PAX3: variants seen among roughly 807,000 people sequenced by gnomAD.
PAX3 encodes the protein paired box protein Pax-3.
A neutral mutation model predicts 51.6 loss-of-function variants in PAX3; 14 were observed. The ratio of observed to expected loss-of-function variants is 0.27; its 90% CI spans 0.18 to 0.42. PAX3 has a LOEUF of 0.42. Ranked by LOEUF, PAX3 falls within the 10% of genes least tolerant of loss-of-function variation. The probability of loss-of-function intolerance (pLI) is 1.00; values close to 1 mark genes in which losing one functional copy is unlikely to be tolerated. For missense variants in PAX3, 540 were observed against 642.8 expected, an observed-to-expected ratio of 0.84 and a Z score of 1.73; for synonymous variants, 280 against 253.4, an observed-to-expected ratio of 1.11 and a Z score of -1.00.
At chr2:222,233,728 A>G (rs1306911549) in intron 4 of PAX3, among the ~76,000 whole-genome samples, 1 of 152,138 alleles carries the variant, frequency 6.6e-6, no homozygotes, top group East Asian at 1.9e-4. Flanking sequence ...TAGAGGGGGA[A>G]CCAGAGCAGC....
chr2:222,250,866 A>G (rs1693402881), intron 4 of PAX3, among the ~76,000 whole-genome samples: 1 of 150,786 alleles, frequency 6.6e-6, no homozygotes, highest in Non-Finnish European at 1.5e-5. Flanking sequence ...ATTTTCACTT[A>G]TCTCAGCAGT....
intron 7 of PAX3, among the ~76,000 whole-genome samples, chr2:222,218,200 T>G (rs1410299005): frequency 6.6e-6 from 1 of 152,192 alleles, no homozygotes; most frequent in East Asian, 1.9e-4. Context: ...TTTCCGTTGC[T>G]TAGTATTAGA....
intron 7 of PAX3, among the ~76,000 whole-genome samples, chr2:222,204,243 T>A (rs1691419586): frequency 6.6e-6 from 1 of 152,146 alleles, no homozygotes; most frequent in South Asian, 2.1e-4. Context: ...AGAATGTGGG[T>A]TCTTTTAGGG....
At chr2:222,251,225 G>A (rs766394209) in intron 4 of PAX3, among the ~76,000 whole-genome samples, 1 of 152,004 alleles carries the variant, frequency 6.6e-6, no homozygotes, top group African/African-American at 2.4e-5. Context: ...TTTAACATTA[G>A]GTATATCTCC....
intron 7 of PAX3, among the ~76,000 whole-genome samples, chr2:222,205,497 C>T (rs1691470372): frequency 6.6e-6 from 1 of 152,174 alleles, no homozygotes; most frequent in African/African-American, 2.4e-5. Context: ...CCAAGACAGA[C>T]ATTCACAAGT....
intron 7 of PAX3, among the ~76,000 whole-genome samples, chr2:222,209,488 T>C (rs1691636582): frequency 1.3e-5 from 2 of 151,900 alleles, no homozygotes; most frequent in African/African-American, 4.8e-5. Flanking sequence ...AGTCTAAGAA[T>C]GAACATACTC....
intron 3 of PAX3, among the ~76,000 whole-genome samples, chr2:222,295,183 C>T (rs1695229882): frequency 6.6e-6 from 1 of 152,152 alleles, no homozygotes; most frequent in South Asian, 2.1e-4. Flanking sequence ...GCCCCATCTC[C>T]CTTCGGTTGG....
rs766866455 is a variant in PAX3 at position 222,221,533 on chromosome 2, C to T, written c.793-146G>A. ...TTCTCTGCCTTCTGTGTTGTTTGGG[C>T]GAATTGTCAGGAGTAAAAGAAGAGT... On this transcript the variant is annotated intron_variant, in intron 5 of 8. Transcript: ENST00000392070. 63 of 773,646 alleles carry T rather than the reference C, an allele frequency of 8.1e-5. No homozygotes were observed. The Middle Eastern group carries it at 1.6e-3, about 20-fold the overall frequency. The allele number at this position is 773,646 out of a possible 1,614,324, so 47.9% of individuals were successfully genotyped here. A position where few individuals can be genotyped will look rare whatever the true frequency, so the allele number is the denominator to read the frequency against.
intron 7 of PAX3, among the ~76,000 whole-genome samples, chr2:222,212,823 A>G (rs1010064742): frequency 2.2e-4 from 34 of 152,214 alleles, no homozygotes; most frequent in Non-Finnish European, 5.9e-5. Context: ...CCACCCACAT[A>G]TAAAGGGTTG....
rs1346573584 is a variant in PAX3 at position 222,200,717 on chromosome 2, C to T, written c.*691G>A. On this transcript the variant is annotated 3_prime_UTR_variant, in exon 9 of 9. Coordinates refer to ENST00000392070, the MANE Select transcript of PAX3 (RefSeq NM_181458.4). ...CAGGAAAGGGAAACAAGTCCTTCTT[C>T]CTGGTAGCCCATATCCTGTTAGCAA... 1 of 253,690 alleles carries T rather than the reference C, an allele frequency of 3.9e-6. No individual in the cohort carries two copies. The highest frequency in any genetic ancestry group is 7.7e-6 in the Non-Finnish European group (1 of 129,746). 15.7% of individuals were successfully genotyped at this position (253,690 alleles called of 1,614,324 possible).
intron 4 of PAX3, chr2:222,293,902 C>T: frequency 6.3e-7 from 1 of 1,587,326 alleles, no homozygotes; most frequent in Non-Finnish European, 8.6e-7. Flanking sequence ...GAGCACAATT[C>T]ACAGTTCTAG....
chr2:222,216,278 A>G (rs1255868454), intron 7 of PAX3, among the ~76,000 whole-genome samples: 1 of 152,184 alleles, frequency 6.6e-6, no homozygotes, highest in Admixed American at 6.6e-5. Context: ...TCACTCCATC[A>G]ATTAAATGAT....
chr2:222,248,499 C>T (rs1004432028), intron 4 of PAX3, among the ~76,000 whole-genome samples: 1 of 152,218 alleles, frequency 6.6e-6, no homozygotes, highest in Non-Finnish European at 1.5e-5. Context: ...ACTTTCCATA[C>T]ACACCGTGCC....
At chr2:222,278,866 G>A (rs932334325) in intron 4 of PAX3, among the ~76,000 whole-genome samples, 2 of 152,210 alleles carry the variant, frequency 1.3e-5, no homozygotes, top group Admixed American at 6.5e-5. Flanking sequence ...AGCTCTCAGC[G>A]TCCTTTAGAA....
At position 222,241,399 on chromosome 2, in the gene PAX3, G is replaced by A. The variant is rs1574676136; in HGVS notation, c.587-9116C>T. On this transcript the variant is annotated intron_variant, in intron 4 of 8. Coordinates refer to ENST00000392070, the MANE Select transcript of PAX3 (RefSeq NM_181458.4). The stretch of plus-strand genomic sequence containing the variant: ...AAAACAATAGGAAGAAGAGACAAAT[G>A]AACATTTTATTTGCCAATCAGAGTA... Among the ~76,000 whole-genome samples the A allele has an allele frequency of 2.0e-5, 3 of 152,298 alleles. No homozygotes were observed. In the South Asian group the frequency reaches 6.2e-4, roughly 32 times the overall value.
chr2:222,206,831 G>A (rs1183005900), intron 7 of PAX3, among the ~76,000 whole-genome samples: 5 of 152,114 alleles, frequency 3.3e-5, no homozygotes, highest in African/African-American at 9.7e-5. Context: ...AGTTGAAAGT[G>A]CCTGAAGCTT....
intron 7 of PAX3, among the ~76,000 whole-genome samples, chr2:222,216,010 C>T (rs939115420): frequency 2.0e-5 from 3 of 152,186 alleles, no homozygotes; most frequent in Non-Finnish European, 4.4e-5. Context: ...TCACGCATCA[C>T]TGAGAATCTC....
chr2:222,233,842 C>T (rs962009891), intron 4 of PAX3, among the ~76,000 whole-genome samples: 1 of 152,076 alleles, frequency 6.6e-6, no homozygotes, highest in Non-Finnish European at 1.5e-5. Flanking sequence ...CAACAGTAAG[C>T]CAGAAAATTG....
At chr2:222,255,782 CTTT>C (rs71781283) in intron 4 of PAX3, among the ~76,000 whole-genome samples, 1,963 of 136,470 alleles carry the variant, frequency 0.014, 26 homozygotes, top group East Asian at 0.084. Flanking sequence ...CAATTATATT[CTTT>C]TTTTTTTTTT....
Sources: allele counts gnomAD v4.1 joint callset (sites outside exome capture counted in the v4.1 genomes callset), GRCh38; gene constraint gnomAD v4.1.1; transcripts MANE v1.5; gene names NCBI Gene and HGNC (gene_info 2026-07-23, HGNC 2026-07-21).